Variants in EZR observed in about 807,000 individuals in gnomAD.
The protein encoded by EZR is ezrin.
Under a neutral mutation model 74.8 loss-of-function variants are expected in EZR, and 40 were observed. That is an observed-to-expected ratio of 0.53 (90% CI 0.42 to 0.70). The LOEUF (loss-of-function observed/expected upper bound fraction) is 0.70. Among genes scored for constraint, EZR ranks in the 30% least tolerant of loss-of-function variants. The pLI is 0.00. For synonymous variants in EZR, 341 were observed against 283.3 expected (o/e 1.20, Z -2.05); for missense variants, 678 against 755.8 (o/e 0.90, Z 1.21).
Position 158,769,246 on chromosome 6 carries a change from C to T in EZR, c.1344+80G>A. 5 of 1,239,036 alleles carry T rather than the reference C, an allele frequency of 4.0e-6. 1 individual carries two copies. Among genetic ancestry groups the T allele is most frequent in the Non-Finnish European group, 1.2e-6 (1 of 866,686 alleles). The allele number at this position is 1,239,036 out of a possible 1,614,324, so 76.8% of individuals were successfully genotyped here. A position where few individuals can be genotyped will look rare whatever the true frequency, so the allele number is the denominator to read the frequency against. On this transcript the variant is annotated intron_variant, in intron 12 of 13. Transcript: ENST00000367075. ...AGCCAGACCTCTCCCCCAACCCACC[C>T]ACCTGCAGAAGGGCCCCACCGCAGG... is the stretch of plus-strand genomic sequence containing the variant.
intron 2 of EZR, among the ~76,000 whole-genome samples, chr6:158,803,651 A>G (rs1777265997): frequency 1.6e-5 from 1 of 63,560 alleles, no homozygotes; most frequent in South Asian, 5.4e-4. Context: ...ATATATATAT[A>G]TACATATATA....
Position 158,789,294 on chromosome 6 carries a change from A to G in EZR, c.90T>C (p.Phe30=), listed in dbSNP as rs761351124. Residue 30 remains phenylalanine (F), a synonymous_variant, in exon 3 of 14, where the codon TTT becomes TTC. Transcript: ENST00000367075. The part of the protein sequence containing the change: ...IQPNTTGKQL[F]DQVVKTIGLR... ...CTCAAGTTCAGAGACCAACCTGATC[A>G]AAAAGCTGTTTTCCAGTTGTATTTG... 19 of 1,613,888 alleles carry G rather than the reference A, an allele frequency of 1.2e-5. No individual in the cohort carries two copies. Among genetic ancestry groups the G allele is most frequent in the Non-Finnish European group, 1.6e-5 (19 of 1,179,770 alleles).
chr6:158,789,823 T>A (rs1791686425), intron 2 of EZR, among the ~76,000 whole-genome samples: 1 of 152,242 alleles, frequency 6.6e-6, no homozygotes, highest in South Asian at 2.1e-4. Flanking sequence ...TCTCACTATG[T>A]TGCCTAGGCT....
In EZR at chr6:158,770,781, G is replaced by A. The variant is rs1791080367; in HGVS notation, c.1073C>T (p.Thr358Ile). The A allele has an allele frequency of 2.5e-6, 4 of 1,614,010 alleles. No homozygotes were observed. Among genetic ancestry groups the A allele is most frequent in the Non-Finnish European group, 3.4e-6 (4 of 1,180,042 alleles). The change falls in exon 10 of 14, where the codon ACA (threonine) becomes ATA (isoleucine). Residue 358 changes from threonine to isoleucine, a missense_variant. Physicochemically the swap from Thr to Ile is moderately conservative, Grantham distance 89. Coordinates refer to ENST00000367075, the MANE Select transcript of EZR (RefSeq NM_001111077.2). ...CGCCTGACCTCTCTCTGCCTTCTTT[G>A]TCTTCTCCTCATAGTCCTGCAGCCG... The part of the protein sequence containing the change: ...MLRLQDYEEK[T>I]KKAERELSEQ...
chr6:158,778,148 G>A (rs548176596), intron 7 of EZR, among the ~76,000 whole-genome samples: 1 of 152,328 alleles, frequency 6.6e-6, no homozygotes, highest in East Asian at 1.9e-4. Context: ...GCAGCCTGCT[G>A]GCACCAACAG....
intron 2 of EZR, among the ~76,000 whole-genome samples, chr6:158,810,936 GC>G (rs1777439697): frequency 6.6e-6 from 1 of 152,122 alleles, no homozygotes; most frequent in Non-Finnish European, 1.5e-5. Flanking sequence ...GTTCACAGAT[GC>G]TAAATGGCTT....
chr6:158,810,317 T>C (rs1221680637), intron 2 of EZR, among the ~76,000 whole-genome samples: 1 of 152,210 alleles, frequency 6.6e-6, no homozygotes, highest in African/African-American at 2.4e-5. Flanking sequence ...AACTGACCAC[T>C]GCTGACTGGG....
intron 4 of EZR, among the ~76,000 whole-genome samples, chr6:158,786,302 A>T (rs1791581592): frequency 6.6e-6 from 1 of 152,108 alleles, no homozygotes; most frequent in Non-Finnish European, 1.5e-5. Flanking sequence ...TGAACCCAGG[A>T]GGTGGAGGTT....
At chr6:158,780,342 T>G (rs535143881) in intron 7 of EZR, among the ~76,000 whole-genome samples, 1 of 152,338 alleles carries the variant, frequency 6.6e-6, no homozygotes, top group Admixed American at 6.5e-5. Context: ...TGTATTTAAA[T>G]TTTACATCAA....
At chr6:158,797,427 C>CTATAT (rs1583578013) in intron 2 of EZR, among the ~76,000 whole-genome samples, 2 of 152,188 alleles carry the variant, frequency 1.3e-5, no homozygotes, top group East Asian at 3.9e-4. Context: ...AGATTAATCC[C>CTATAT]TATATTATCA....
chr6:158,773,898 C>A (rs140594052), intron 8 of EZR, among the ~76,000 whole-genome samples: 2 of 152,326 alleles, frequency 1.3e-5, no homozygotes, highest in East Asian at 3.9e-4. Context: ...CATAGTGTCA[C>A]CTGGGCAGGC....
chr6:158,816,782 A>C (rs1218615930), intron 2 of EZR, among the ~76,000 whole-genome samples: 1 of 152,204 alleles, frequency 6.6e-6, no homozygotes, highest in Non-Finnish European at 1.5e-5. Context: ...AGAACATAAA[A>C]TGTAACAGAA....
intron 12 of EZR, 131 bp from the exon 13 acceptor site, chr6:158,767,643 G>T (rs531952275): frequency 2.2e-6 from 2 of 922,928 alleles, no homozygotes; most frequent in South Asian, 2.0e-5. Context: ...CTGTGGCTTC[G>T]AAGAGGAGCA....
At chr6:158,791,472 A>T (rs1264233532) in intron 2 of EZR, among the ~76,000 whole-genome samples, 2 of 152,120 alleles carry the variant, frequency 1.3e-5, no homozygotes, top group African/African-American at 4.8e-5. Flanking sequence ...AAATATCTCA[A>T]TAACAAATGC....
intron 8 of EZR, among the ~76,000 whole-genome samples, chr6:158,773,104 T>C (rs999091977): frequency 1.3e-5 from 2 of 152,214 alleles, no homozygotes; most frequent in Non-Finnish European, 2.9e-5. Flanking sequence ...GAAACAATCC[T>C]GCATTACAGC....
chr6:158,801,505 T>C (rs993344934), intron 2 of EZR, among the ~76,000 whole-genome samples: 1 of 152,192 alleles, frequency 6.6e-6, no homozygotes, highest in African/African-American at 2.4e-5. Context: ...GTAACAAAAA[T>C]TGTCACATAA....
At chr6:158,776,090 G>A (rs755109308) in intron 8 of EZR, among the ~76,000 whole-genome samples, 57 of 152,194 alleles carry the variant, frequency 3.7e-4, no homozygotes, top group Admixed American at 1.1e-3. Context: ...GTCAGGTGCC[G>A]GGGAGAGTCC....
At chr6:158,792,203 T>TA (rs2128572008) in intron 2 of EZR, among the ~76,000 whole-genome samples, 1 of 152,182 alleles carries the variant, frequency 6.6e-6, no homozygotes, top group African/African-American at 2.4e-5. Flanking sequence ...ACAACCCTTT[T>TA]AAAAAGCAAT....
At chr6:158,790,216 TACG>T (rs1333982536) in intron 2 of EZR, among the ~76,000 whole-genome samples, 2 of 152,124 alleles carry the variant, frequency 1.3e-5, no homozygotes, top group African/African-American at 4.8e-5. Context: ...AAATAAAAAA[TACG>T]ACAAGCAACA....
Sources: gnomAD v4.1 joint callset for allele counts (sites outside exome capture counted in the v4.1 genomes callset) on GRCh38, gnomAD v4.1.1 for gene constraint, MANE v1.5 for transcripts, NCBI Gene and HGNC (gene_info 2026-07-23, HGNC 2026-07-21) for gene names.